The following SLC24A2 variants were observed in gnomAD, a reference collection of about 807,000 sequenced individuals.
The protein encoded by SLC24A2 is sodium/potassium/calcium exchanger 2.
SLC24A2 carries 36 observed loss-of-function variants against 62.0 expected under a neutral mutation model. The ratio of observed to expected loss-of-function variants is 0.58; its 90% confidence interval spans 0.44 to 0.77. The LOEUF is 0.77. Ranked by LOEUF, SLC24A2 falls within the 30% of genes least tolerant of loss-of-function variation. SLC24A2 has a pLI of 0.00. For synonymous variants in SLC24A2, 358 were observed against 294.0 expected (o/e 1.22, Z -2.23); for missense variants, 846 against 817.9 (o/e 1.03, Z -0.42).
At chr9:19,521,567 C>T (rs989143367) in intron 9 of SLC24A2, among the ~76,000 whole-genome samples, 10 of 152,200 alleles carry the variant, frequency 6.6e-5, no homozygotes, top group Admixed American at 3.9e-4. Flanking sequence ...ACTGGAATCT[C>T]GATTCTGGGT....
chr9:19,870,937 A>AT, the SLC24A2 span, among the ~76,000 whole-genome samples: 1 of 151,748 alleles, frequency 6.6e-6, no homozygotes, highest in Non-Finnish European at 1.5e-5. Context: ...ATTTCCAAAT[A>AT]TTTTTTCCCA....
At chr9:19,841,776 C>T in the SLC24A2 span, among the ~76,000 whole-genome samples, 7 of 152,272 alleles carry the variant, frequency 4.6e-5, no homozygotes, top group South Asian at 1.5e-3. Context: ...AATATCAATG[C>T]TCATCAACAG....
the SLC24A2 span, among the ~76,000 whole-genome samples, chr9:19,818,358 T>G: frequency 3.9e-5 from 6 of 152,144 alleles, no homozygotes; most frequent in Non-Finnish European, 8.8e-5. Context: ...GGGATAAATC[T>G]GCTCTTTGAT....
chr9:20,149,220 T>C, the SLC24A2 span, among the ~76,000 whole-genome samples: 9 of 152,172 alleles, frequency 5.9e-5, no homozygotes, highest in African/African-American at 2.2e-4. Flanking sequence ...GTAACTCTAA[T>C]GACTTTCCTC....
chr9:19,558,230 G>T (rs1177873289), intron 7 of SLC24A2, among the ~76,000 whole-genome samples: 1 of 152,178 alleles, frequency 6.6e-6, no homozygotes. Context: ...TGTGTGGAGA[G>T]TAGGGGCCAC....
chr9:20,052,620 A>T, the SLC24A2 span, among the ~76,000 whole-genome samples: 2 of 151,792 alleles, frequency 1.3e-5, no homozygotes, highest in African/African-American at 4.8e-5. Context: ...GCTTCATTTC[A>T]TTTTATTTCC....
chr9:19,965,597 A>G, the SLC24A2 span, among the ~76,000 whole-genome samples: 21 of 152,346 alleles, frequency 1.4e-4, no homozygotes, highest in South Asian at 4.4e-3. Context: ...GACTCAATTC[A>G]GTGAAATTGA....
At chr9:19,519,928 C>G (rs946563355) in intron 10 of SLC24A2, among the ~76,000 whole-genome samples, 39 of 152,326 alleles carry the variant, frequency 2.6e-4, no homozygotes, top group African/African-American at 8.2e-4. Context: ...CAAATCCTAC[C>G]TACCTCATTT....
At chr9:20,024,687 T>C in the SLC24A2 span, among the ~76,000 whole-genome samples, 1 of 152,210 alleles carries the variant, frequency 6.6e-6, no homozygotes, top group South Asian at 2.1e-4. Context: ...TTCACTTGTG[T>C]GTGCGTGTCC....
At chr9:19,714,272 C>T (rs1159738103) in intron 2 of SLC24A2, among the ~76,000 whole-genome samples, 1 of 152,066 alleles carries the variant, frequency 6.6e-6, no homozygotes, top group Non-Finnish European at 1.5e-5. Flanking sequence ...AGAATTAGGA[C>T]CCCAAAGGTG....
the SLC24A2 span, among the ~76,000 whole-genome samples, chr9:19,876,460 T>C: frequency 1.4e-4 from 22 of 152,056 alleles, no homozygotes; most frequent in Admixed American, 3.9e-4. Context: ...TATAAGGGGC[T>C]ATGTGAAGAC....
rs779291307 is a variant in SLC24A2, at chr9:19,669,751, C to G, written c.931-47452G>C. On this transcript the variant is annotated intron_variant, in intron 2 of 10. Coordinates refer to ENST00000341998, the MANE Select transcript of SLC24A2 (RefSeq NM_020344.4). ...CACTCTCCTCTTCTGCCTTAAGGAC[C>G]CTTGTGATGATTAGACCCATCTGGA... Among the ~76,000 whole-genome samples, 196 of 152,206 alleles carry G rather than the reference C, an allele frequency of 1.3e-3. 5 individuals are homozygous for G. The highest frequency in any genetic ancestry group is 6.9e-4 in the Non-Finnish European group (47 of 68,036).
the SLC24A2 span, among the ~76,000 whole-genome samples, chr9:19,875,363 G>A: frequency 6.6e-6 from 1 of 152,132 alleles, no homozygotes; most frequent in Non-Finnish European, 1.5e-5. Flanking sequence ...CGAAATTGAG[G>A]ACTTACTTTT....
the SLC24A2 span, among the ~76,000 whole-genome samples, chr9:19,999,241 C>T: frequency 2.6e-5 from 4 of 152,240 alleles, no homozygotes; most frequent in Non-Finnish European, 5.9e-5. Flanking sequence ...GTAGGTGAGG[C>T]ATTTATTATC....
At chr9:20,222,184 A>G in the SLC24A2 span, among the ~76,000 whole-genome samples, 98 of 152,114 alleles carry the variant, frequency 6.4e-4, no homozygotes, top group Middle Eastern at 6.8e-3. Context: ...AAGAGTGACA[A>G]CTAAAATAAT....
At chr9:19,704,225 C>T (rs946707922) in intron 2 of SLC24A2, among the ~76,000 whole-genome samples, 6 of 152,118 alleles carry the variant, frequency 3.9e-5, no homozygotes, top group Admixed American at 1.3e-4. Flanking sequence ...TCCAGTGATT[C>T]GCACATGCAT....
the SLC24A2 span, among the ~76,000 whole-genome samples, chr9:20,125,263 A>G: frequency 1.3e-5 from 2 of 152,194 alleles, no homozygotes; most frequent in African/African-American, 2.4e-5. Context: ...TAGAACTCCT[A>G]TTATGACCTG....
the SLC24A2 span, among the ~76,000 whole-genome samples, chr9:20,128,976 G>A: frequency 6.6e-6 from 1 of 151,960 alleles, no homozygotes; most frequent in East Asian, 1.9e-4. Context: ...GTGCATCGAT[G>A]GATACTATAA....
At chr9:20,298,089 C>A in the SLC24A2 span, among the ~76,000 whole-genome samples, 1 of 152,204 alleles carries the variant, frequency 6.6e-6, no homozygotes, top group Non-Finnish European at 1.5e-5. Context: ...AGGACAGCCA[C>A]AGAACTAGGT....
Sources: allele counts gnomAD v4.1 joint callset (sites outside exome capture counted in the v4.1 genomes callset), GRCh38; gene constraint gnomAD v4.1.1; transcripts MANE v1.5; gene names NCBI Gene and HGNC (gene_info 2026-07-23, HGNC 2026-07-21).